The following TMEM272 variants were observed in gnomAD, a reference collection of about 807,000 sequenced individuals.
TMEM272 encodes the protein long intergenic non-protein coding RNA 282.
In TMEM272, 8 loss-of-function variants were observed where a neutral mutation model predicts 3.7. That is an observed-to-expected ratio of 2.17 (90% confidence interval 1.27 to 3.91). The LOEUF (loss-of-function observed/expected upper bound fraction) is 3.91, where lower values mean the gene tolerates loss of function less well. TMEM272 is among the 30% of genes most tolerant of loss of function. The pLI is 0.00. For synonymous variants in TMEM272, 63 were observed against 39.8 expected, an observed-to-expected ratio of 1.58 and a Z score of -2.20; for missense variants, 166 against 91.5, an observed-to-expected ratio of 1.81 and a Z score of -3.32.
upstream of TMEM272, among the ~76,000 whole-genome samples, chr13:51,847,577 C>T (rs1956313161): frequency 6.6e-6 from 1 of 152,170 alleles, no homozygotes; most frequent in Non-Finnish European, 1.5e-5. Flanking sequence ...TGCCGAATGT[C>T]ACATTTCTCA....
intron 4 of TMEM272, among the ~76,000 whole-genome samples, chr13:51,817,728 G>C (rs1407496370): frequency 1.3e-5 from 2 of 152,056 alleles, no homozygotes; most frequent in African/African-American, 4.8e-5. Flanking sequence ...TGTGGACTGA[G>C]AGTCCCTCTC....
At chr13:51,899,556 TTAAGAC>T in the TMEM272 span, among the ~76,000 whole-genome samples, 3 of 6,360 alleles carry the variant, frequency 4.7e-4, no homozygotes, top group East Asian at 0.024. Context: ...GACTTAAGTA[TTAAGAC>T]GGCAATATTT....
chr13:51,894,682 C>T, the TMEM272 span, among the ~76,000 whole-genome samples: 2 of 152,140 alleles, frequency 1.3e-5, no homozygotes, highest in Non-Finnish European at 2.9e-5. Context: ...TCGCTTAAAG[C>T]AGTGGTCCCC....
the TMEM272 span, among the ~76,000 whole-genome samples, chr13:51,865,035 T>C: frequency 6.6e-6 from 1 of 152,184 alleles, no homozygotes; most frequent in Admixed American, 6.5e-5. Context: ...CAAACGTAAA[T>C]TCTTCTTGGC....
the TMEM272 span, among the ~76,000 whole-genome samples, chr13:51,864,039 A>G: frequency 6.6e-6 from 1 of 152,038 alleles, no homozygotes; most frequent in Non-Finnish European, 1.5e-5. Flanking sequence ...CTGATTCCTC[A>G]GATATATGGC....
the TMEM272 span, chr13:51,932,706 C>G: frequency 2.0e-5 from 3 of 152,340 alleles, no homozygotes; most frequent in African/African-American, 7.2e-5. Flanking sequence ...TCTAATATTG[C>G]ATGAAATGTT....
chr13:51,843,112 T>A (rs985614039), intron 1 of TMEM272, among the ~76,000 whole-genome samples: 3 of 152,226 alleles, frequency 2.0e-5, no homozygotes, highest in Non-Finnish European at 4.4e-5. Flanking sequence ...AAAGTGGAAA[T>A]TAATTATTTT....
the TMEM272 span, among the ~76,000 whole-genome samples, chr13:51,862,658 C>G: frequency 6.6e-6 from 1 of 152,062 alleles, no homozygotes; most frequent in Non-Finnish European, 1.5e-5. Context: ...TCAGTCTGAG[C>G]TTAGGAGAGA....
the TMEM272 span, among the ~76,000 whole-genome samples, chr13:51,894,322 CTCTT>C: frequency 5.3e-5 from 8 of 152,340 alleles, no homozygotes; most frequent in Non-Finnish European, 1.0e-4. Flanking sequence ...CCTACAGACA[CTCTT>C]TCTTTGTGAG....
the TMEM272 span, among the ~76,000 whole-genome samples, chr13:51,861,267 T>G: frequency 6.6e-6 from 1 of 152,072 alleles, no homozygotes; most frequent in African/African-American, 2.4e-5. Flanking sequence ...GGATAAATAA[T>G]TTAGAGATCT....
chr13:51,837,118 C>T (rs914863042), intron 2 of TMEM272, among the ~76,000 whole-genome samples: 8 of 152,176 alleles, frequency 5.3e-5, no homozygotes, highest in Non-Finnish European at 1.2e-4. Flanking sequence ...TCTCAACAAT[C>T]AAGGAGGCCA....
In TMEM272 at chr13:51,843,509, T is replaced by C. The variant is rs142295009; in HGVS notation, c.-24+1507A>G. Among the ~76,000 whole-genome samples the C allele has an allele frequency of 6.7e-3, 1,022 of 152,290 alleles. 8 individuals are homozygous for C. Among genetic ancestry groups the C allele is most frequent in the Middle Eastern group, 0.044 (13 of 294 alleles). On this transcript the variant is annotated intron_variant, in intron 1 of 4. Coordinates refer to ENST00000629372, the MANE Select transcript of TMEM272 (RefSeq NM_001351003.2). ...TAATGATGGATTCATGTCAATGCAA[T>C]CCATTAAATGATTGACTAAAATCTG...
chr13:51,928,370 C>T, the TMEM272 span, among the ~76,000 whole-genome samples: 12 of 152,170 alleles, frequency 7.9e-5, no homozygotes, highest in Non-Finnish European at 1.8e-4. Flanking sequence ...CCGGATGTGC[C>T]GGGCACTATT....
chr13:51,880,925 T>TC, the TMEM272 span, among the ~76,000 whole-genome samples: 1 of 152,064 alleles, frequency 6.6e-6, no homozygotes, highest in Non-Finnish European at 1.5e-5. Context: ...TATCACCTGT[T>TC]CCCCCAAAAA....
chr13:51,863,843 G>A, the TMEM272 span, among the ~76,000 whole-genome samples: 10 of 152,250 alleles, frequency 6.6e-5, no homozygotes, highest in African/African-American at 1.7e-4. Flanking sequence ...AGTGAGGGCC[G>A]GACCCTGGCA....
the TMEM272 span, among the ~76,000 whole-genome samples, chr13:51,861,667 G>T: frequency 6.6e-6 from 1 of 152,160 alleles, no homozygotes; most frequent in Non-Finnish European, 1.5e-5. Flanking sequence ...AGGAGACAGA[G>T]AAAATGGATG....
the TMEM272 span, among the ~76,000 whole-genome samples, chr13:51,852,866 G>A: frequency 1.4e-5 from 2 of 140,614 alleles, no homozygotes; most frequent in South Asian, 2.3e-4. Flanking sequence ...TGGGTAAAAA[G>A]AGCAAAACTC....
At chr13:51,850,832 T>C in the TMEM272 span, among the ~76,000 whole-genome samples, 20 of 152,320 alleles carry the variant, frequency 1.3e-4, no homozygotes, top group African/African-American at 3.4e-4. Flanking sequence ...TGTCATACAA[T>C]AGAAAGAAAT....
chr13:51,829,291 G>T (rs950596869), intron 2 of TMEM272, among the ~76,000 whole-genome samples: 2 of 152,102 alleles, frequency 1.3e-5, no homozygotes, highest in African/African-American at 4.8e-5. Context: ...ACTTAAAAAT[G>T]ATATTAAACA....
Sources: allele counts gnomAD v4.1 joint callset (sites outside exome capture counted in the v4.1 genomes callset), GRCh38; gene constraint gnomAD v4.1.1; transcripts MANE v1.5; gene names NCBI Gene and HGNC (gene_info 2026-07-23, HGNC 2026-07-21).